Variants in HS6ST3 observed in about 807,000 individuals in gnomAD.
HS6ST3 encodes the protein heparan-sulfate 6-O-sulfotransferase 3.
HS6ST3 carries 12 observed loss-of-function variants against 36.7 expected under a neutral mutation model. The observed-to-expected ratio is 0.33, with a 90% CI of 0.21 to 0.53. The LOEUF is 0.53. Ranked by LOEUF, HS6ST3 falls within the 20% of genes least tolerant of loss-of-function variation. The pLI, the probability that HS6ST3 is intolerant of heterozygous loss-of-function variation, is 0.95. For synonymous variants in HS6ST3, 240 were observed against 257.5 expected (o/e 0.93, Z 0.65); for missense variants, 584 against 640.9 (o/e 0.91, Z 0.96).
In HS6ST3 at chr13:96,319,938, C is replaced by T. The variant is rs540742234; in HGVS notation, c.707+228369C>T. Among the ~76,000 whole-genome samples, 16 of 152,190 alleles carry T rather than the reference C, an allele frequency of 1.1e-4. 1 individual carries two copies. The highest frequency in any genetic ancestry group is 9.2e-4 in the Admixed American group (14 of 15,292). On this transcript the variant is annotated intron_variant, in intron 1 of 1. Transcript: ENST00000376705. Reference sequence around the variant, plus strand: ...CCCAGAAATTACTTTTCTTTGTTCTCTGTGGACATCAGATATGAGTCTGTG... The same window carrying T: ...CCCAGAAATTACTTTTCTTTGTTCTTTGTGGACATCAGATATGAGTCTGTG...
intron 1 of HS6ST3, chr13:96,573,598 G>T: frequency 4.8e-6 from 1 of 209,208 alleles, no homozygotes. Context: ...AGGGTCTGCA[G>T]AATTCTAGAA....
chr13:96,656,958 TG>T (rs2056627492), intron 1 of HS6ST3, among the ~76,000 whole-genome samples: 1 of 84,798 alleles, frequency 1.2e-5, no homozygotes, highest in Non-Finnish European at 2.6e-5. Flanking sequence ...TTTTCTTTTG[TG>T]TGTGTGTGTG....
At chr13:96,235,892 T>C (rs190186011) in intron 1 of HS6ST3, among the ~76,000 whole-genome samples, 2 of 152,274 alleles carry the variant, frequency 1.3e-5, no homozygotes, top group East Asian at 3.9e-4. Flanking sequence ...AGAATGGGCT[T>C]ACATGATCAC....
At chr13:96,493,634 A>G (rs1162202742) in intron 1 of HS6ST3, among the ~76,000 whole-genome samples, 2 of 152,234 alleles carry the variant, frequency 1.3e-5, no homozygotes, top group Non-Finnish European at 2.9e-5. Context: ...CTCTCGATGT[A>G]TGAACTGAAC....
chr13:96,631,308 C>T (rs953025827), intron 1 of HS6ST3, among the ~76,000 whole-genome samples: 2 of 152,126 alleles, frequency 1.3e-5, no homozygotes, highest in Non-Finnish European at 2.9e-5. Context: ...TCTGTCAATT[C>T]TCTTCTGTTT....
chr13:96,243,339 G>A (rs538413877), intron 1 of HS6ST3, among the ~76,000 whole-genome samples: 1 of 152,244 alleles, frequency 6.6e-6, no homozygotes, highest in African/African-American at 2.4e-5. Context: ...CAGACCTTAA[G>A]CTTCTTAAGG....
intron 1 of HS6ST3, among the ~76,000 whole-genome samples, chr13:96,765,854 T>C (rs1877099483): frequency 6.6e-6 from 1 of 152,136 alleles, no homozygotes; most frequent in Admixed American, 6.5e-5. Context: ...CATGTTCTAT[T>C]TTGAGATAAA....
chr13:96,714,824 A>G (rs1319253334), intron 1 of HS6ST3, among the ~76,000 whole-genome samples: 1 of 152,084 alleles, frequency 6.6e-6, no homozygotes, highest in Non-Finnish European at 1.5e-5. Context: ...CTAACCTCCT[A>G]AGTAGATGGG....
At chr13:96,336,500 T>C (rs7983926) in intron 1 of HS6ST3, among the ~76,000 whole-genome samples, 79,387 of 151,978 alleles carry the variant, frequency 0.52, 21,222 homozygotes, top group Middle Eastern at 0.63. Context: ...GGCCCCAATC[T>C]AGTCTGATTG....
chr13:96,286,809 C>T (rs941952955), intron 1 of HS6ST3, among the ~76,000 whole-genome samples: 1 of 152,018 alleles, frequency 6.6e-6, no homozygotes, highest in African/African-American at 2.4e-5. Context: ...TCTAATGCTC[C>T]TGTTTTCAGA....
chr13:96,424,292 A>G (rs1476376600), intron 1 of HS6ST3, among the ~76,000 whole-genome samples: 1 of 152,236 alleles, frequency 6.6e-6, no homozygotes, highest in East Asian at 1.9e-4. Flanking sequence ...TATACCTGTA[A>G]ATGATTTCAA....
At chr13:96,267,154 TG>T (rs1365605144) in intron 1 of HS6ST3, among the ~76,000 whole-genome samples, 1 of 152,200 alleles carries the variant, frequency 6.6e-6, no homozygotes, top group Non-Finnish European at 1.5e-5. Context: ...CCTGCCACCA[TG>T]TAAGATGTGC....
intron 1 of HS6ST3, among the ~76,000 whole-genome samples, chr13:96,440,493 A>AAAAAG: frequency 1.4e-5 from 1 of 72,186 alleles, no homozygotes; most frequent in East Asian, 4.8e-4. Context: ...AGGGGAGAGG[A>AAAAAG]GAAAGGAAAG....
At chr13:96,225,755 A>G (rs1382735797) in intron 1 of HS6ST3, among the ~76,000 whole-genome samples, 1 of 152,176 alleles carries the variant, frequency 6.6e-6, no homozygotes, top group Admixed American at 6.5e-5. Context: ...TTTCATGTCT[A>G]TATTTTCTGT....
At position 96,701,976 on chromosome 13, in the gene HS6ST3, TATGA is replaced by T. The variant is rs1035265617; in HGVS notation, c.708-130512_708-130509del. Among the ~76,000 whole-genome samples, 30 of 152,124 alleles carry T rather than the reference TATGA, an allele frequency of 2.0e-4. 1 individual carries two copies. The highest frequency in any genetic ancestry group is 1.8e-3 in the Admixed American group (28 of 15,260). ...GACCAAAACTCACAAAGAAATGGCC[TATGA>T]ACAAAGGGATCTGAGGGAAACATGA... On this transcript the variant is annotated intron_variant, in intron 1 of 1. Transcript: ENST00000376705.
At chr13:96,701,549 A>G (rs1005624556) in intron 1 of HS6ST3, among the ~76,000 whole-genome samples, 1 of 152,274 alleles carries the variant, frequency 6.6e-6, no homozygotes, top group East Asian at 1.9e-4. Context: ...AAGTCAGTCA[A>G]AATTTAATAC....
intron 1 of HS6ST3, among the ~76,000 whole-genome samples, chr13:96,288,097 A>G (rs960191623): frequency 6.6e-6 from 1 of 152,176 alleles, no homozygotes; most frequent in Non-Finnish European, 1.5e-5. Context: ...TTACTGATTC[A>G]GAAACTTAGA....
At chr13:96,261,377 C>T (rs192773422) in intron 1 of HS6ST3, among the ~76,000 whole-genome samples, 60 of 151,368 alleles carry the variant, frequency 4.0e-4, no homozygotes, top group Non-Finnish European at 8.5e-4. Context: ...GTGGTTGGGG[C>T]TAAAGTTGGA....
At chr13:96,364,093 C>A (rs762286787) in intron 1 of HS6ST3, among the ~76,000 whole-genome samples, 1 of 151,968 alleles carries the variant, frequency 6.6e-6, no homozygotes, top group African/African-American at 2.4e-5. Context: ...GAAGCACACC[C>A]ATTTAGGTAC....
Sources: gnomAD v4.1 joint callset for allele counts (sites outside exome capture counted in the v4.1 genomes callset) on GRCh38, gnomAD v4.1.1 for gene constraint, MANE v1.5 for transcripts, NCBI Gene and HGNC (gene_info 2026-07-23, HGNC 2026-07-21) for gene names.